The following AFG2A variants were observed in gnomAD, a reference collection of about 807,000 sequenced individuals.
AFG2A encodes the protein AAA ATPase AFG2A.
At chr4:123,266,078 G>C in the AFG2A span, among the ~76,000 whole-genome samples, 1 of 151,958 alleles carries the variant, frequency 6.6e-6, no homozygotes, top group African/African-American at 2.4e-5. Flanking sequence ...GATAGTGACA[G>C]TTATTTTTGT....
chr4:123,025,377 G>T, the AFG2A span, among the ~76,000 whole-genome samples: 1 of 152,240 alleles, frequency 6.6e-6, no homozygotes, highest in Admixed American at 6.5e-5. Context: ...AACCGAGGTA[G>T]TGGAGTATGC....
chr4:123,003,969 A>G, the AFG2A span, among the ~76,000 whole-genome samples: 1 of 152,140 alleles, frequency 6.6e-6, no homozygotes, highest in African/African-American at 2.4e-5. Context: ...ACCCAGTTCA[A>G]GCTTCTTGGC....
At chr4:123,009,889 A>T in the AFG2A span, among the ~76,000 whole-genome samples, 1 of 152,136 alleles carries the variant, frequency 6.6e-6, no homozygotes, top group African/African-American at 2.4e-5. Context: ...TTAGGCCATT[A>T]TGGTGCTTAT....
the AFG2A span, among the ~76,000 whole-genome samples, chr4:123,248,374 A>G: frequency 3.3e-5 from 5 of 152,230 alleles, no homozygotes; most frequent in Non-Finnish European, 1.5e-5. Flanking sequence ...TTTAAAAATT[A>G]CTAAATTGCA....
At chr4:123,204,351 A>T in the AFG2A span, among the ~76,000 whole-genome samples, 4 of 152,188 alleles carry the variant, frequency 2.6e-5, no homozygotes, top group African/African-American at 9.7e-5. Context: ...CCCACCAGTA[A>T]TGAATGAGAA....
the AFG2A span, chr4:123,314,304 T>C: frequency 4.3e-4 from 128 of 299,254 alleles, no homozygotes; most frequent in African/African-American, 2.5e-3. Context: ...AAAAAACAAA[T>C]GTTTAGCTTT....
chr4:123,280,894 A>G, the AFG2A span, among the ~76,000 whole-genome samples: 3 of 152,168 alleles, frequency 2.0e-5, no homozygotes, highest in African/African-American at 7.2e-5. Context: ...ACAATAATCA[A>G]AAAAAGCATT....
chr4:123,129,698 G>C, the AFG2A span, among the ~76,000 whole-genome samples: 1 of 152,082 alleles, frequency 6.6e-6, no homozygotes, highest in Non-Finnish European at 1.5e-5. Flanking sequence ...GAATGTTGCA[G>C]TTTGTCAAGG....
the AFG2A span, among the ~76,000 whole-genome samples, chr4:123,034,192 A>T: frequency 6.6e-6 from 1 of 152,156 alleles, no homozygotes; most frequent in African/African-American, 2.4e-5. Flanking sequence ...AAGGAGGGCT[A>T]ACTATGTGTC....
At chr4:123,056,043 C>G in the AFG2A span, among the ~76,000 whole-genome samples, 1 of 152,170 alleles carries the variant, frequency 6.6e-6, no homozygotes, top group Non-Finnish European at 1.5e-5. Flanking sequence ...TTAGAGCTAG[C>G]CAGTGGTTAG....
the AFG2A span, among the ~76,000 whole-genome samples, chr4:122,939,693 C>A: frequency 5.3e-3 from 799 of 151,742 alleles, 7 homozygotes; most frequent in African/African-American, 0.018. Flanking sequence ...AGGTTAGTTA[C>A]ATATGTATAC....
the AFG2A span, chr4:122,979,425 A>T: frequency 1.3e-6 from 2 of 1,577,110 alleles, no homozygotes. Flanking sequence ...CACTGTTTGA[A>T]TTAAACTCTG....
the AFG2A span, among the ~76,000 whole-genome samples, chr4:122,931,046 TTTA>T: frequency 9.3e-4 from 141 of 152,346 alleles, no homozygotes; most frequent in Non-Finnish European, 1.8e-3. Flanking sequence ...ACTGTAAGAT[TTTA>T]TTATTAATAG....
the AFG2A span, among the ~76,000 whole-genome samples, chr4:123,173,033 A>G: frequency 6.6e-6 from 1 of 152,322 alleles, no homozygotes; most frequent in South Asian, 2.1e-4. Flanking sequence ...ATAATTGTCA[A>G]AGATATTGAA....
the AFG2A span, among the ~76,000 whole-genome samples, chr4:123,305,827 C>T: frequency 1.3e-5 from 2 of 152,110 alleles, no homozygotes; most frequent in Admixed American, 1.3e-4. Flanking sequence ...GGGAAAGAAC[C>T]GTAGGCAATG....
chr4:123,116,633 C>T, the AFG2A span, among the ~76,000 whole-genome samples: 8 of 152,162 alleles, frequency 5.3e-5, no homozygotes, highest in South Asian at 1.2e-3. Flanking sequence ...CAAATAGCTA[C>T]ATTGATGTTT....
chr4:123,081,759 C>T, the AFG2A span, among the ~76,000 whole-genome samples: 1 of 152,172 alleles, frequency 6.6e-6, no homozygotes, highest in Admixed American at 6.5e-5. Context: ...TTTACCCCAT[C>T]AGCAGTGAAT....
the AFG2A span, among the ~76,000 whole-genome samples, chr4:123,093,686 C>T: frequency 1.3e-5 from 2 of 152,200 alleles, no homozygotes; most frequent in South Asian, 4.1e-4. Context: ...TCTGTAAGTG[C>T]TTTCTGCTGA....
the AFG2A span, among the ~76,000 whole-genome samples, chr4:122,988,127 G>A: frequency 4.0e-5 from 6 of 150,936 alleles, no homozygotes; most frequent in South Asian, 2.1e-4. Flanking sequence ...CTCCTGGCCC[G>A]CAATGGATTG....
Sources: allele counts gnomAD v4.1 joint callset (sites outside exome capture counted in the v4.1 genomes callset), GRCh38; gene constraint gnomAD v4.1.1; transcripts MANE v1.5; gene names NCBI Gene and HGNC (gene_info 2026-07-23, HGNC 2026-07-21).